Variants in LNPEP observed in about 807,000 individuals in gnomAD.
The protein encoded by LNPEP is leucyl-cystinyl aminopeptidase.
Under a neutral mutation model 120.6 loss-of-function variants are expected in LNPEP, and 64 were observed. That is an observed-to-expected ratio of 0.53 (90% CI 0.43 to 0.65). LNPEP has a LOEUF of 0.65. LNPEP is among the 30% of genes least tolerant of loss of function. The pLI, the probability that LNPEP is intolerant of heterozygous loss-of-function variation, is 0.00. For synonymous variants in LNPEP, 435 were observed against 425.4 expected (o/e 1.02, Z -0.28); for missense variants, 1,057 against 1,200.0 (o/e 0.88, Z 1.76).
At chr5:96,964,053 C>G (rs1227451232) in intron 1 of LNPEP, among the ~76,000 whole-genome samples, 1 of 151,944 alleles carries the variant, frequency 6.6e-6, no homozygotes, top group Non-Finnish European at 1.5e-5. Context: ...CTCCCTTGTC[C>G]CCTCCCCAGT....
rs149987000 is a variant in LNPEP at position 97,031,896 on chromosome 5, C to CAA, written c.*3372_*3373dup. The CAA allele has an allele frequency of 0.039, 5,639 of 145,928 alleles. 175 individuals carry two copies. The highest frequency in any genetic ancestry group is 0.11 in the Middle Eastern group (33 of 292). 9.0% of individuals were successfully genotyped at this position (145,928 alleles called of 1,614,324 possible). On this transcript the variant is annotated 3_prime_UTR_variant, in exon 18 of 18. Transcript: ENST00000231368. ...CGAGACTGTCTCAAAAAACAAAAAA[C>CAA]AAAAAAAAAAGAGTTAAGTGTTGAT...
At chr5:96,955,417 C>G (rs1474309467) in intron 1 of LNPEP, among the ~76,000 whole-genome samples, 1 of 152,072 alleles carries the variant, frequency 6.6e-6, no homozygotes, top group Non-Finnish European at 1.5e-5. Flanking sequence ...TTGTTCGAGA[C>G]CAGCCTGGCC....
At chr5:96,989,338 AATATATAATATATTATATAT>A (rs1790326289) in intron 4 of LNPEP, among the ~76,000 whole-genome samples, 1 of 24,550 alleles carries the variant, frequency 4.1e-5, no homozygotes, top group South Asian at 1.5e-3. Context: ...AATTATATAT[AATATATAATATATTATATAT>A]TATATATAAT....
chr5:96,953,763 G>A (rs1019742017), intron 1 of LNPEP, among the ~76,000 whole-genome samples: 5 of 152,232 alleles, frequency 3.3e-5, no homozygotes, highest in African/African-American at 1.2e-4. Context: ...TAATTTCTAA[G>A]AAGCAAACAA....
intron 14 of LNPEP, among the ~76,000 whole-genome samples, chr5:97,023,519 G>C (rs1230480): frequency 6.6e-6 from 1 of 152,128 alleles, no homozygotes; most frequent in Admixed American, 6.5e-5. Context: ...CTCCCAAAGT[G>C]CTGGGATTAT....
At position 96,993,028 on chromosome 5, in the gene LNPEP, C is replaced by A; in HGVS notation, c.1145C>A (p.Ala382Asp). 6.3e-7 allele frequency: 1 copy of A among 1,591,640 alleles called. No individual in the cohort carries two copies. Among genetic ancestry groups the A allele is most frequent in the South Asian group, 1.1e-5 (1 of 87,510 alleles). ...DVNGTLVSIY[A>D]VPEKIGQVHY... ...GTTTTCCTTTAGGTTTCTATATATG[C>A]TGTACCAGAAAAGATTGGTCAAGTT... Residue 382 changes from alanine to aspartate, a missense_variant, in exon 5 of 18, where the codon GCT (alanine) becomes GAT (aspartate). By Grantham distance (126) the Ala-to-Asp change is moderately radical. Coordinates refer to ENST00000231368, the MANE Select transcript of LNPEP (RefSeq NM_005575.3).
chr5:97,026,473 A>C (rs781154613), intron 15 of LNPEP, 144 bp from the exon 16 acceptor site: 6 of 546,274 alleles, frequency 1.1e-5, no homozygotes, highest in Admixed American at 3.3e-5. Flanking sequence ...TTCAATCTAT[A>C]GATCAACCGT....
intron 9 of LNPEP, among the ~76,000 whole-genome samples, chr5:97,003,862 A>G (rs897204678): frequency 2.0e-5 from 3 of 151,490 alleles, no homozygotes; most frequent in African/African-American, 4.9e-5. Flanking sequence ...GAATATTACT[A>G]TATTTTCATT....
chr5:96,968,890 T>C (rs1789793033), intron 1 of LNPEP, among the ~76,000 whole-genome samples: 1 of 152,026 alleles, frequency 6.6e-6, no homozygotes, highest in South Asian at 2.1e-4. Flanking sequence ...GTATGTGCTT[T>C]AGGGATTTGT....
At chr5:97,005,699 C>A (rs1378054248) in intron 9 of LNPEP, among the ~76,000 whole-genome samples, 1 of 152,110 alleles carries the variant, frequency 6.6e-6, no homozygotes, top group Non-Finnish European at 1.5e-5. Flanking sequence ...TTATTCATAT[C>A]TTGTAGATGT....
chr5:96,998,092 G>T lies in LNPEP; in HGVS notation c.1600G>T (p.Val534Phe). 1 of 1,592,548 alleles carries T rather than the reference G, an allele frequency of 6.3e-7. No individual in the cohort carries two copies. Among genetic ancestry groups the T allele is most frequent in the Non-Finnish European group, 8.6e-7 (1 of 1,164,596 alleles). The change falls in exon 8 of 18, where the codon GTT becomes TTT. Residue 534 changes from valine (V) to phenylalanine (F), a missense_variant. By Grantham distance (50) the Val-to-Phe change is conservative. Transcript: ENST00000231368. Reference sequence around the variant, plus strand: ...TTCATCTCATCCAATATCATCATCTGTTCAGTCTTCAGAACAAATTGAAGA... The same window carrying T: ...TTCATCTCATCCAATATCATCATCTTTTCAGTCTTCAGAACAAATTGAAGA... The part of the protein sequence containing the change: ...LNSSHPISSS[V>F]QSSEQIEEMF...
At chr5:97,004,604 G>A (rs1224764925) in intron 9 of LNPEP, among the ~76,000 whole-genome samples, 1 of 152,024 alleles carries the variant, frequency 6.6e-6, no homozygotes, top group African/African-American at 2.4e-5. Context: ...CATATGTGCA[G>A]AACATCACAC....
chr5:97,034,380 GTTAT>G lies in LNPEP; in HGVS notation c.*5851_*5854del, dbSNP rs564385906. On this transcript the variant is annotated 3_prime_UTR_variant, in exon 18 of 18. Coordinates refer to ENST00000231368, the MANE Select transcript of LNPEP (RefSeq NM_005575.3). ...TGTCTTGGCAATGGCCAGTAGAGTA[GTTAT>G]TTAAGGGATTTTGTTTTTTTGTTTT... 3 of 151,594 alleles carry G rather than the reference GTTAT, an allele frequency of 2.0e-5. No individual in the cohort carries two copies. Among genetic ancestry groups the G allele is most frequent in the Admixed American group, 6.6e-5 (1 of 15,228 alleles). 9.4% of individuals were successfully genotyped at this position (151,594 alleles called of 1,614,324 possible).
At chr5:96,982,125 T>A (rs1242933367) in intron 2 of LNPEP, among the ~76,000 whole-genome samples, 1 of 152,112 alleles carries the variant, frequency 6.6e-6, no homozygotes, top group African/African-American at 2.4e-5. Flanking sequence ...CAGAGGCACA[T>A]AAAGTAACTT....
intron 1 of LNPEP, among the ~76,000 whole-genome samples, chr5:96,938,806 T>A (rs2112552389): frequency 6.6e-6 from 1 of 152,310 alleles, no homozygotes; most frequent in Middle Eastern, 3.4e-3. Context: ...GCTTTGTCCT[T>A]GGGAGGGATT....
Position 97,022,438 on chromosome 5 carries a change from G to T in LNPEP, c.2515G>T (p.Ala839Ser). 6.2e-7 allele frequency: 1 copy of T among 1,613,988 alleles called. No homozygotes were observed. Among genetic ancestry groups the T allele is most frequent in the Non-Finnish European group, 8.5e-7 (1 of 1,179,974 alleles). ...THNLGNCSTT[A>S]MKLFDDWMAS... The stretch of plus-strand genomic sequence containing the variant: ...CAACCTGGGGAACTGCTCTACTACT[G>T]CCATGAAACTGTTTGATGACTGGAT... Residue 839 changes from alanine (A) to serine (S), a missense_variant, in exon 14 of 18, where the codon GCC becomes TCC. Transcript: ENST00000231368.
chr5:97,008,226 T>C (rs1790832497), intron 11 of LNPEP, among the ~76,000 whole-genome samples: 1 of 152,222 alleles, frequency 6.6e-6, no homozygotes, highest in South Asian at 2.1e-4. Context: ...TTGCAAACTT[T>C]CTGATAGTAT....
In LNPEP at chr5:96,988,339, C is replaced by CTTTTTTTT. The variant is rs201343272; in HGVS notation, c.1131+1678_1131+1685dup. Among the ~76,000 whole-genome samples, 447 of 125,140 alleles carry CTTTTTTTT rather than the reference C, an allele frequency of 3.6e-3. 5 individuals carry two copies. Among genetic ancestry groups the CTTTTTTTT allele is most frequent in the Middle Eastern group, 8.4e-3 (2 of 238 alleles). 82.1% of individuals were successfully genotyped at this position (125,140 alleles called of 152,430 possible). ...GATCTTTCTTTTTTCTTTTTCTTTT[C>CTTTTTTTT]TTTTTTTTTTTTTTTTGAGACAGAG... On this transcript the variant is annotated intron_variant, in intron 4 of 17. Coordinates refer to ENST00000231368, the MANE Select transcript of LNPEP (RefSeq NM_005575.3).
intron 1 of LNPEP, among the ~76,000 whole-genome samples, chr5:96,960,819 G>GTAGA (rs3076564): frequency 1 from 152,173 of 152,210 alleles, 76,068 homozygotes; most frequent in East Asian, 1. Context: ...AAAAAAGAGA[G>GTAGA]TAGTTTTTTT....
Sources: gnomAD v4.1 joint callset for allele counts (sites outside exome capture counted in the v4.1 genomes callset) on GRCh38, gnomAD v4.1.1 for gene constraint, MANE v1.5 for transcripts, NCBI Gene and HGNC (gene_info 2026-07-23, HGNC 2026-07-21) for gene names.